Variants in GYS2 observed in about 807,000 individuals in gnomAD.
GYS2 encodes glycogen [starch] synthase, liver.
GYS2 carries 80 observed loss-of-function variants against 85.6 expected under a neutral mutation model. The observed-to-expected ratio is 0.93, with a 90% confidence interval of 0.78 to 1.13. The LOEUF (loss-of-function observed/expected upper bound fraction) is 1.13. Among genes scored for constraint, GYS2 ranks in the 50% most tolerant of loss-of-function variants. The pLI, the probability that GYS2 is intolerant of heterozygous loss-of-function variation, is 0.00. For synonymous variants in GYS2, 328 were observed against 300.7 expected (o/e 1.09, Z -0.94); for missense variants, 881 against 854.9 (o/e 1.03, Z -0.38).
Position 21,546,367 on chromosome 12 carries a change from T to C in GYS2, c.1526A>G (p.Tyr509Cys), listed in dbSNP as rs1944039364. Residue 509 changes from tyrosine to cysteine, a missense_variant, in exon 12 of 16, where the codon TAT becomes TGT. Coordinates refer to ENST00000261195, the MANE Select transcript of GYS2 (RefSeq NM_021957.4). ...GCHLGVFPSY[Y>C]EPWGYTPAEC... ...ACCTGGAGTATAACCCCAGGGTTCA[T>C]AGTATGATGGAAATACTCCAAGATG... The C allele has an allele frequency of 1.2e-6, 2 of 1,603,874 alleles. No homozygotes were observed. The highest frequency in any genetic ancestry group is 1.1e-5 in the South Asian group (1 of 90,776).
intron 2 of GYS2, among the ~76,000 whole-genome samples, chr12:21,576,705 C>T (rs1786027590): frequency 6.6e-6 from 1 of 152,054 alleles, no homozygotes; most frequent in Non-Finnish European, 1.5e-5. Context: ...AATGTTTTAT[C>T]TTCTGCAAGT....
rs1565591921 is a variant in GYS2, at chr12:21,542,503, A to T, written c.1638T>A (p.Thr546=). Residue 546 remains threonine (T), a synonymous_variant, in exon 13 of 16, where the codon ACT becomes ACA. Coordinates refer to ENST00000261195, the MANE Select transcript of GYS2 (RefSeq NM_021957.4). ...AATGATGAAAACCCTCACCGTAAGC[A>T]GTAGGATCAGCCACGTGCTCCTGCA... The part of the protein sequence containing the change: ...CFMQEHVADP[T]AYGIYIVDRR... 1.2e-6 allele frequency: 2 copies of T among 1,603,934 alleles called. No homozygotes were observed. Among genetic ancestry groups the T allele is most frequent in the East Asian group, 2.2e-5 (1 of 44,860 alleles).
chr12:21,592,167 G>A (rs1243586125), intron 1 of GYS2, among the ~76,000 whole-genome samples: 2 of 147,146 alleles, frequency 1.4e-5, no homozygotes, highest in African/African-American at 5.0e-5. Flanking sequence ...AAGAAAGAGA[G>A]AGAGAGAGAG....
intron 5 of GYS2, among the ~76,000 whole-genome samples, chr12:21,566,618 C>T (rs546074096): frequency 3.3e-5 from 5 of 152,100 alleles, no homozygotes; most frequent in South Asian, 2.1e-4. Context: ...AAATAATAAT[C>T]GATATTTTCT....
intron 11 of GYS2, among the ~76,000 whole-genome samples, chr12:21,551,531 C>G (rs971236668): frequency 3.4e-5 from 5 of 149,046 alleles, no homozygotes; most frequent in Admixed American, 6.7e-5. Context: ...AAAAAAAAGT[C>G]TGAAGTCTTT....
chr12:21,554,191 T>C (rs1247454060), intron 11 of GYS2, among the ~76,000 whole-genome samples: 1 of 144,336 alleles, frequency 6.9e-6, no homozygotes, highest in Non-Finnish European at 1.5e-5. Flanking sequence ...AAAAAGGAAG[T>C]GAGGAAGGAA....
chr12:21,602,413 A>G (rs554015361), intron 1 of GYS2, among the ~76,000 whole-genome samples: 1 of 152,178 alleles, frequency 6.6e-6, no homozygotes, highest in Non-Finnish European at 1.5e-5. Context: ...TCATATCACT[A>G]CTATGAAATG....
intron 2 of GYS2, among the ~76,000 whole-genome samples, chr12:21,578,356 C>T (rs1041210383): frequency 6.6e-6 from 1 of 152,080 alleles, no homozygotes; most frequent in Non-Finnish European, 1.5e-5. Context: ...TTACAATTAC[C>T]TTCAATTCTT....
intron 1 of GYS2, among the ~76,000 whole-genome samples, chr12:21,598,827 C>T (rs1944723385): frequency 6.6e-6 from 1 of 152,030 alleles, no homozygotes; most frequent in Non-Finnish European, 1.5e-5. Flanking sequence ...CAAACAAGTA[C>T]TTTGTATTTT....
chr12:21,538,855 C>G (rs73085304), intron 15 of GYS2, among the ~76,000 whole-genome samples: 2,173 of 152,296 alleles, frequency 0.014, 26 homozygotes, highest in Admixed American at 0.022. Context: ...AAATGCTCAT[C>G]TAGTTCAATT....
Position 21,551,350 on chromosome 12 carries a change from A to G in GYS2, c.1423-4880T>C, listed in dbSNP as rs1230792731. 2.0e-5 allele frequency among the ~76,000 whole-genome samples: 3 copies of G among 152,110 alleles called. No individual in the cohort carries two copies. The East Asian group carries it at 5.8e-4, about 29-fold the overall frequency. On this transcript the variant is annotated intron_variant, in intron 11 of 15. Coordinates refer to ENST00000261195, the MANE Select transcript of GYS2 (RefSeq NM_021957.4). ...CTAACTTGGGTATGTAACAATTATC[A>G]TTATATTGTATAACATTTTATATAC...
intron 7 of GYS2, among the ~76,000 whole-genome samples, chr12:21,561,771 C>T (rs1481470497): frequency 6.6e-6 from 1 of 152,072 alleles, no homozygotes; most frequent in Non-Finnish European, 1.5e-5. Context: ...TCTTTTTAGT[C>T]TTCAGTTCTG....
intron 1 of GYS2, among the ~76,000 whole-genome samples, chr12:21,604,010 A>C (rs1159563821): frequency 2.0e-5 from 3 of 152,176 alleles, no homozygotes; most frequent in African/African-American, 7.2e-5. Flanking sequence ...CATTAATTCC[A>C]AGCTAATTGT....
chr12:21,558,457 T>C, intron 10 of GYS2, 144 bp from the exon 11 acceptor site: 1 of 660,502 alleles, frequency 1.5e-6, no homozygotes, highest in South Asian at 1.7e-5. Context: ...CTAAGTCTTG[T>C]GTGTGTGTCA....
chr12:21,585,547 G>T (rs1315273225), intron 1 of GYS2, among the ~76,000 whole-genome samples: 1 of 140,192 alleles, frequency 7.1e-6, no homozygotes, highest in Non-Finnish European at 1.5e-5. Flanking sequence ...AAAGGTTTGG[G>T]TCACTCCACC....
intron 8 of GYS2, among the ~76,000 whole-genome samples, 164 bp downstream of exon 8, chr12:21,560,222 C>A (rs182959098): frequency 6.6e-6 from 1 of 152,040 alleles, no homozygotes; most frequent in Non-Finnish European, 1.5e-5. Flanking sequence ...ATAACCATTA[C>A]GATAACCTAA....
At chr12:21,542,114 C>T (rs967898979) in intron 13 of GYS2, among the ~76,000 whole-genome samples, 2 of 151,970 alleles carry the variant, frequency 1.3e-5, no homozygotes, top group Non-Finnish European at 2.9e-5. Context: ...GTGGCACGAT[C>T]TCAGCTCACT....
intron 11 of GYS2, among the ~76,000 whole-genome samples, chr12:21,557,777 T>C (rs1036412927): frequency 6.6e-6 from 1 of 152,052 alleles, no homozygotes; most frequent in African/African-American, 2.4e-5. Flanking sequence ...CGGGCGCCTG[T>C]AGTCCCAGCT....
chr12:21,576,999 T>A (rs1373726347), intron 2 of GYS2, among the ~76,000 whole-genome samples: 1 of 152,178 alleles, frequency 6.6e-6, no homozygotes, highest in Non-Finnish European at 1.5e-5. Flanking sequence ...TTGACACTTA[T>A]GACTCCACCT....
Sources: allele counts gnomAD v4.1 joint callset (sites outside exome capture counted in the v4.1 genomes callset), GRCh38; gene constraint gnomAD v4.1.1; transcripts MANE v1.5; gene names NCBI Gene and HGNC (gene_info 2026-07-23, HGNC 2026-07-21).